The following FNBP1 variants were observed in gnomAD, a reference collection of about 807,000 sequenced individuals.
FNBP1 encodes formin binding protein 1, also known as formin-binding protein 1.
FNBP1 carries 26 observed loss-of-function variants against 90.6 expected under a neutral mutation model. The observed-to-expected ratio is 0.29, with a 90% confidence interval of 0.21 to 0.40. The LOEUF (loss-of-function observed/expected upper bound fraction) is 0.40, where lower values mean the gene tolerates loss of function less well. FNBP1 is among the 10% of genes least tolerant of loss of function. The pLI, the probability that FNBP1 is intolerant of heterozygous loss-of-function variation, is 1.00. For missense variants in FNBP1, 635 were observed against 768.0 expected, an observed-to-expected ratio of 0.83 and a Z score of 2.05; for synonymous variants, 260 against 265.2, an observed-to-expected ratio of 0.98 and a Z score of 0.19.
Position 129,900,645 on chromosome 9 carries a change from A to T in FNBP1, c.1429-98T>A, listed in dbSNP as rs910056561. On this transcript the variant is annotated intron_variant, in intron 13 of 16. Transcript: ENST00000446176. This position sits in a 1 kb window ranked among gnomAD's most constrained non-coding sequence, Gnocchi z 4.1. The stretch of plus-strand genomic sequence containing the variant: ...AAAGGCCATCTGAGGGCCAGCCCGG[A>T]GCATCCTAAGGTCCCAAACTCAGGG... 1 of 1,251,652 alleles carries T rather than the reference A, an allele frequency of 8.0e-7. No individual in the cohort carries two copies. Among genetic ancestry groups the T allele is most frequent in the Non-Finnish European group, 1.0e-6 (1 of 974,304 alleles). 77.5% of individuals were successfully genotyped at this position (1,251,652 alleles called of 1,614,324 possible).
rs999754181 is a variant in FNBP1, at chr9:129,887,231, A to C, written c.*3308T>G. On this transcript the variant is annotated 3_prime_UTR_variant, in exon 17 of 17. Coordinates refer to ENST00000446176, the MANE Select transcript of FNBP1 (RefSeq NM_015033.3). Reference sequence around the variant, plus strand: ...TAACACGAGATTAACATATAGTTACAAGGTCAATACAAGCCTCCAGTGGAA... The same window carrying C: ...TAACACGAGATTAACATATAGTTACCAGGTCAATACAAGCCTCCAGTGGAA... The C allele has an allele frequency of 6.0e-5, 11 of 183,200 alleles. No homozygotes were observed. Among genetic ancestry groups the C allele is most frequent in the Middle Eastern group, 2.1e-3 (1 of 484 alleles). The allele number at this position is 183,200 out of a possible 1,614,324, so 11.3% of individuals were successfully genotyped here.
At chr9:129,947,453 GAAAAGAAA>G (rs2045492054) in intron 6 of FNBP1, among the ~76,000 whole-genome samples, 1 of 135,536 alleles carries the variant, frequency 7.4e-6, no homozygotes, top group Non-Finnish European at 1.6e-5. Flanking sequence ...AAAAAAAAAA[GAAAAGAAA>G]AAAAGAAAAA....
chr9:129,942,229 T>A (rs996994514), intron 6 of FNBP1, among the ~76,000 whole-genome samples: 3 of 152,110 alleles, frequency 2.0e-5, no homozygotes, highest in Non-Finnish European at 2.9e-5. Context: ...CAAACTCTCA[T>A]GGAAAAAAAT....
At chr9:130,035,009 T>C (rs896823773) in intron 1 of FNBP1, among the ~76,000 whole-genome samples, 1 of 151,808 alleles carries the variant, frequency 6.6e-6, no homozygotes, top group African/African-American at 2.4e-5. Context: ...ATTAGCAGAG[T>C]GTGGTGACAT....
chr9:129,913,879 GTTTTA>G (rs1174059162), intron 11 of FNBP1, among the ~76,000 whole-genome samples: 2 of 68,218 alleles, frequency 2.9e-5, no homozygotes, highest in Non-Finnish European at 6.7e-5. Flanking sequence ...TTTTTGTTTT[GTTTTA>G]TAGTTTTTTT....
upstream of FNBP1, among the ~76,000 whole-genome samples, chr9:130,047,012 A>G (rs983281386): frequency 6.6e-6 from 1 of 152,114 alleles, no homozygotes; most frequent in Non-Finnish European, 1.5e-5. Context: ...AAAACTTAAG[A>G]TTGACACCTA....
At chr9:129,947,823 T>C (rs2045563960) in intron 6 of FNBP1, among the ~76,000 whole-genome samples, 1 of 151,900 alleles carries the variant, frequency 6.6e-6, no homozygotes, top group Admixed American at 6.6e-5. Context: ...GGTTTCTCCA[T>C]GTTGGTCAGG....
rs906559860 is a variant in FNBP1 at position 129,924,991 on chromosome 9, C to T, written c.956G>A (p.Gly319Glu). 3 of 1,613,728 alleles carry T rather than the reference C, an allele frequency of 1.9e-6. No homozygotes were observed. Among genetic ancestry groups the T allele is most frequent in the Non-Finnish European group, 2.5e-6 (3 of 1,179,758 alleles). Reference protein sequence around the residue: ...PDLKFGGKSKGKLWPFIKKNK... With the variant: ...PDLKFGGKSKEKLWPFIKKNK... The stretch of plus-strand genomic sequence containing the variant: ...TTTTTTGATGAACGGCCATAACTTT[C>T]CTTTGGATTTGCCACCAAATTTGAG... The change falls in exon 9 of 17, where the codon GGA becomes GAA. Residue 319 changes from glycine (G) to glutamate (E), a missense_variant. Coordinates refer to ENST00000446176, the MANE Select transcript of FNBP1 (RefSeq NM_015033.3).
At chr9:129,977,671 T>C (rs2050548140) in intron 4 of FNBP1, among the ~76,000 whole-genome samples, 1 of 151,930 alleles carries the variant, frequency 6.6e-6, no homozygotes, top group Non-Finnish European at 1.5e-5. Flanking sequence ...TTTATATTTT[T>C]AGTAGAGAAG....
Position 129,957,371 on chromosome 9 carries a change from C to A in FNBP1, c.502G>T (p.Asp168Tyr). Residue 168 changes from aspartate to tyrosine, a missense_variant, in exon 6 of 17, where the codon GAT becomes TAT. Physicochemically the swap from Asp to Tyr is radical, Grantham distance 160 (BLOSUM62 -3). Coordinates refer to ENST00000446176, the MANE Select transcript of FNBP1 (RefSeq NM_015033.3). This position sits in a 1 kb window ranked among gnomAD's most constrained non-coding sequence, Gnocchi z 4.3. ...AGCTTTCACCTCACCTTTTCAACATCCGCTTTTGTGACATTGATGTCAGCG... is the reference window on the plus strand; with the variant it reads ...AGCTTTCACCTCACCTTTTCAACATACGCTTTTGTGACATTGATGTCAGCG... Reference protein sequence around the residue: ...MDADINVTKADVEKARQQAQI... With the variant: ...MDADINVTKAYVEKARQQAQI... 6.2e-7 allele frequency: 1 copy of A among 1,612,070 alleles called. No homozygotes were observed. Among genetic ancestry groups the A allele is most frequent in the Non-Finnish European group, 8.5e-7 (1 of 1,178,688 alleles).
chr9:129,940,326 C>G (rs902740306), intron 6 of FNBP1, among the ~76,000 whole-genome samples: 3 of 152,038 alleles, frequency 2.0e-5, no homozygotes, highest in African/African-American at 7.3e-5. Flanking sequence ...AAATATAGAT[C>G]AGGTATATCT....
At chr9:129,971,918 T>A (rs1251349626) in intron 4 of FNBP1, among the ~76,000 whole-genome samples, 1 of 152,238 alleles carries the variant, frequency 6.6e-6, no homozygotes, top group East Asian at 1.9e-4. Flanking sequence ...TATGCAGTAA[T>A]GAGATCCAGC....
Position 130,003,696 on chromosome 9 carries a change from G to A in FNBP1, c.25-8738C>T, listed in dbSNP as rs377224853. ...TCCAGCACTTTGGGAGGCCGAGAAG[G>A]GCAGATCACAGGGCCAGGAGATCAA... On this transcript the variant is annotated intron_variant, in intron 1 of 16. Transcript: ENST00000446176. 1.1e-3 allele frequency among the ~76,000 whole-genome samples: 168 copies of A among 151,910 alleles called. 1 individual carries two copies. The highest frequency in any genetic ancestry group is 4.0e-3 in the African/African-American group (164 of 41,430).
At chr9:129,976,904 G>A (rs185574849) in intron 4 of FNBP1, among the ~76,000 whole-genome samples, 77 of 152,064 alleles carry the variant, frequency 5.1e-4, no homozygotes, top group African/African-American at 1.8e-3. Context: ...GGTGGCTCAC[G>A]CCTGTAATCC....
At chr9:129,974,875 GAAAGAAA>G (rs937658282) in intron 4 of FNBP1, among the ~76,000 whole-genome samples, 4 of 149,160 alleles carry the variant, frequency 2.7e-5, no homozygotes, top group African/African-American at 9.9e-5. Context: ...AAAAAAGAAA[GAAAGAAA>G]AAAGGAAAAA....
the FNBP1 span, among the ~76,000 whole-genome samples, chr9:130,049,043 T>G: frequency 5.9e-5 from 9 of 151,920 alleles, no homozygotes; most frequent in Non-Finnish European, 1.3e-4. Context: ...CCTCCCAAAG[T>G]GCTGGGATTA....
At position 129,924,064 on chromosome 9, in the gene FNBP1, C is replaced by G. The variant is rs1193617262; in HGVS notation, c.988-38G>C. The G allele has an allele frequency of 2.7e-6, 4 of 1,478,490 alleles. No individual in the cohort carries two copies. In the East Asian group the frequency reaches 8.4e-5, roughly 31 times the overall value. 91.6% of individuals were successfully genotyped at this position (1,478,490 alleles called of 1,614,324 possible). A position where few individuals can be genotyped will look rare whatever the true frequency, so the allele number is the denominator to read the frequency against. ...GATGGAGCCGTGACAGAGTAAAAAT[C>G]AGAAACAAGAAGACACAAAACAAAA... On this transcript the variant is annotated intron_variant, in intron 9 of 16. Coordinates refer to ENST00000446176, the MANE Select transcript of FNBP1 (RefSeq NM_015033.3).
chr9:129,908,029 GT>G (rs763281533), intron 12 of FNBP1, among the ~76,000 whole-genome samples: 63 of 151,514 alleles, frequency 4.2e-4, no homozygotes, highest in Non-Finnish European at 7.7e-4. Context: ...GCCCAGCTGG[GT>G]TTTGATTCTT....
At chr9:130,013,803 A>G in intron 1 of FNBP1, 1 of 451,362 alleles carries the variant, frequency 2.2e-6, no homozygotes, top group Non-Finnish European at 4.4e-6. Context: ...TCATTATCAA[A>G]GGAGTGGATT....
Sources: allele counts gnomAD v4.1 joint callset (sites outside exome capture counted in the v4.1 genomes callset), GRCh38; gene constraint gnomAD v4.1.1; non-coding constraint Gnocchi (gnomAD v3.1); transcripts MANE v1.5; gene names NCBI Gene and HGNC (gene_info 2026-07-23, HGNC 2026-07-21).